Variants in PMS1 observed in about 807,000 individuals in gnomAD.
PMS1 encodes PMS1 homolog 1, mismatch repair system component, also known as PMS1 protein homolog 1.
A neutral mutation model predicts 93.1 loss-of-function variants in PMS1; 79 were observed. That is an observed-to-expected ratio of 0.85 (90% CI 0.71 to 1.02). PMS1 has a LOEUF of 1.02. Ranked by LOEUF, PMS1 falls within the 50% of genes least tolerant of loss-of-function variation. The probability of loss-of-function intolerance (pLI) is 0.00; values close to 1 mark genes in which losing one functional copy is unlikely to be tolerated. For synonymous variants in PMS1, 335 were observed against 363.4 expected (o/e 0.92, Z 0.89); for missense variants, 1,064 against 1,085.3 (o/e 0.98, Z 0.28).
At chr2:189,809,893 T>G (rs972717614) in intron 4 of PMS1, among the ~76,000 whole-genome samples, 4 of 152,192 alleles carry the variant, frequency 2.6e-5, no homozygotes, top group Non-Finnish European at 5.9e-5. Context: ...AAGCAATAAT[T>G]TATCAATATA....
chr2:189,864,464 T>C, intron 10 of PMS1: 1 of 423,274 alleles, frequency 2.4e-6, no homozygotes, highest in South Asian at 1.9e-5. Context: ...GAGACCAGCC[T>C]GGCCAACATA....
In PMS1 at chr2:189,852,664, A is replaced by G; in HGVS notation, c.709A>G (p.Ser237Gly). The G allele has an allele frequency of 1.2e-6, 2 of 1,606,578 alleles. No individual in the cohort carries two copies. Among genetic ancestry groups the G allele is most frequent in the Non-Finnish European group, 1.7e-6 (2 of 1,173,328 alleles). ...YHSEESQIYL[S>G]GFLPKCDADH... Reference sequence around the variant, plus strand: ...TGTAATTATTATATAGATTTATCTCAGTGGATTTCTTCCAAAGTGTGATGC... The same window carrying G: ...TGTAATTATTATATAGATTTATCTCGGTGGATTTCTTCCAAAGTGTGATGC... The change falls in exon 7 of 13, where the codon AGT becomes GGT. Residue 237 changes from serine to glycine, a missense_variant. Ser to Gly is a moderately conservative substitution (Grantham distance 56, BLOSUM62 0). Coordinates refer to ENST00000441310, the MANE Select transcript of PMS1 (RefSeq NM_000534.5).
At chr2:189,841,979 C>G (rs1375854419) in intron 5 of PMS1, among the ~76,000 whole-genome samples, 1 of 151,260 alleles carries the variant, frequency 6.6e-6, no homozygotes, top group Non-Finnish European at 1.5e-5. Context: ...CATTCTTCCC[C>G]TTCAGTTTCC....
In PMS1 at chr2:189,854,600, A is replaced by G. The variant is rs200407029; in HGVS notation, c.1328A>G (p.Asn443Ser). 23 of 1,613,920 alleles carry G rather than the reference A, an allele frequency of 1.4e-5. No homozygotes were observed. The African/African-American group carries it at 1.7e-4, about 12-fold the overall frequency. The change falls in exon 9 of 13, where the codon AAT becomes AGT. Residue 443 changes from asparagine to serine, a missense_variant. Transcript: ENST00000441310. The stretch of plus-strand genomic sequence containing the variant: ...GCATTTCAGGACATTTCAATGAGTA[A>G]TGTATCATGGGAGAACTCTCAGACG... ...KNAFQDISMS[N>S]VSWENSQTEY...
At chr2:189,863,137 C>T (rs2056195000) in intron 9 of PMS1, among the ~76,000 whole-genome samples, 1 of 152,008 alleles carries the variant, frequency 6.6e-6, no homozygotes, top group Admixed American at 6.5e-5. Context: ...TGAATCCATT[C>T]TAATTTCTTC....
intron 9 of PMS1, chr2:189,855,869 T>C: frequency 9.0e-7 from 1 of 1,115,456 alleles, no homozygotes; most frequent in South Asian, 1.9e-5. Context: ...TCTGGTGATC[T>C]AATCCAGCAG....
intron 5 of PMS1, among the ~76,000 whole-genome samples, chr2:189,824,366 T>C (rs1187335567): frequency 6.6e-6 from 1 of 152,126 alleles, no homozygotes. Flanking sequence ...ATGGCACTAT[T>C]CTGGTCATTA....
chr2:189,807,004 G>C (rs2050404863), intron 4 of PMS1: 1 of 191,414 alleles, frequency 5.2e-6, no homozygotes, highest in Non-Finnish European at 1.1e-5. Context: ...TATTTTCTGT[G>C]GTTTTTTTCC....
chr2:189,839,772 T>C (rs2053669842), intron 5 of PMS1, among the ~76,000 whole-genome samples: 1 of 152,258 alleles, frequency 6.6e-6, no homozygotes, highest in African/African-American at 2.4e-5. Flanking sequence ...CTTGTCCTTT[T>C]ATCTTTATAT....
intron 12 of PMS1, among the ~76,000 whole-genome samples, chr2:189,873,999 T>C (rs1303206936): frequency 6.6e-6 from 1 of 152,134 alleles, no homozygotes; most frequent in Non-Finnish European, 1.5e-5. Flanking sequence ...GTATTATAGA[T>C]TGGCCAGACT....
intron 12 of PMS1, among the ~76,000 whole-genome samples, chr2:189,875,125 GA>G (rs1238801983): frequency 6.6e-6 from 1 of 151,528 alleles, no homozygotes; most frequent in Non-Finnish European, 1.5e-5. Context: ...AGAACCAAGA[GA>G]GGGGTGGATG....
intron 5 of PMS1, among the ~76,000 whole-genome samples, chr2:189,832,305 G>T (rs569234997): frequency 6.6e-6 from 1 of 152,246 alleles, no homozygotes; most frequent in East Asian, 1.9e-4. Context: ...TCTATTAAAT[G>T]AAAATAGTAA....
intron 2 of PMS1, among the ~76,000 whole-genome samples, chr2:189,795,492 T>TA (rs1342018303): frequency 6.6e-6 from 1 of 152,152 alleles, no homozygotes; most frequent in East Asian, 1.9e-4. Flanking sequence ...TTGTTTATTG[T>TA]AAATACCCAT....
chr2:189,814,351 A>C (rs1368133206), intron 4 of PMS1, among the ~76,000 whole-genome samples: 3 of 151,724 alleles, frequency 2.0e-5, no homozygotes, highest in Non-Finnish European at 4.4e-5. Flanking sequence ...TATGCTAATG[A>C]GGCACCAGAT....
rs138228817 is a variant in PMS1, at chr2:189,842,162, C to T, written c.583-1802C>T. On this transcript the variant is annotated intron_variant, in intron 5 of 12. Transcript: ENST00000441310. ...AGAACTGTTCTCACACTCTTGATTG[C>T]CGTTTAGCCAGCCACGTCTGTTCCT... Among the ~76,000 whole-genome samples, 7 of 152,000 alleles carry T rather than the reference C, an allele frequency of 4.6e-5. No individual in the cohort carries two copies. The East Asian group carries it at 1.4e-3, about 30-fold the overall frequency.
In PMS1 at chr2:189,832,988, C is replaced by G. The variant is rs1206849317; in HGVS notation, c.583-10976C>G. On this transcript the variant is annotated intron_variant, in intron 5 of 12. Transcript: ENST00000441310. ...TATTACTAGTGTCAAGACCAACCATCTCCCTCTGCCAGCTTTGTTCTTGAA... is the reference window on the plus strand; with the variant it reads ...TATTACTAGTGTCAAGACCAACCATGTCCCTCTGCCAGCTTTGTTCTTGAA... Among the ~76,000 whole-genome samples, 4 of 152,196 alleles carry G rather than the reference C, an allele frequency of 2.6e-5. No individual in the cohort carries two copies. In the South Asian group the frequency reaches 6.2e-4, roughly 24 times the overall value.
chr2:189,857,703 A>G (rs2055497731), intron 9 of PMS1, among the ~76,000 whole-genome samples: 1 of 152,098 alleles, frequency 6.6e-6, no homozygotes, highest in African/African-American at 2.4e-5. Flanking sequence ...AGTCACAGAT[A>G]AAACATACTT....
chr2:189,823,526 A>G (rs1337536297), intron 5 of PMS1, among the ~76,000 whole-genome samples: 1 of 151,684 alleles, frequency 6.6e-6, no homozygotes, highest in Non-Finnish European at 1.5e-5. Context: ...AAGGGAATAT[A>G]TTTTAAACTT....
In PMS1 at chr2:189,864,004, AAAAAT is replaced by A. The variant is rs764853982; in HGVS notation, c.2122_2126del (p.Ile708PhefsTer2). On this transcript the variant is annotated frameshift_variant, in exon 10 of 13. Coordinates refer to ENST00000441310, the MANE Select transcript of PMS1 (RefSeq NM_000534.5). LOFTEE classifies it high-confidence loss of function. ...AGATCCCCTTTTCTATGAAAAACTT[AAAAAT>A]AAATTTTAAGAAACAAAACAAAGTT... is the stretch of plus-strand genomic sequence containing the variant. 2.5e-6 allele frequency: 4 copies of A among 1,608,696 alleles called. No homozygotes were observed. Among genetic ancestry groups the A allele is most frequent in the Non-Finnish European group, 3.4e-6 (4 of 1,176,152 alleles).
Sources: gnomAD v4.1 joint callset for allele counts (sites outside exome capture counted in the v4.1 genomes callset) on GRCh38, gnomAD v4.1.1 for gene constraint, MANE v1.5 for transcripts, NCBI Gene and HGNC (gene_info 2026-07-23, HGNC 2026-07-21) for gene names.